The following WWTR1 variants were observed in gnomAD, a reference collection of about 807,000 sequenced individuals.
The protein encoded by WWTR1 is WW domain-containing transcription regulator protein 1.
WWTR1 carries 13 observed loss-of-function variants against 40.1 expected under a neutral mutation model. The ratio of observed to expected loss-of-function variants is 0.32; its 90% CI spans 0.21 to 0.52. WWTR1 has a LOEUF of 0.52. Among genes scored for constraint, WWTR1 ranks in the 20% least tolerant of loss-of-function variants. WWTR1 has a pLI of 0.97. For synonymous variants in WWTR1, 230 were observed against 210.1 expected (o/e 1.09, Z -0.82); for missense variants, 436 against 523.1 (o/e 0.83, Z 1.63).
chr3:149,557,869 G>T (rs534815800), intron 3 of WWTR1, among the ~76,000 whole-genome samples: 11 of 151,874 alleles, frequency 7.2e-5, no homozygotes, highest in African/African-American at 2.7e-4. Flanking sequence ...CAAGCGTGGC[G>T]GTGTGTGCCT....
At chr3:149,555,819 A>ACAG (rs1410111383) in intron 3 of WWTR1, among the ~76,000 whole-genome samples, 41 of 152,358 alleles carry the variant, frequency 2.7e-4, no homozygotes, top group African/African-American at 9.6e-4. Flanking sequence ...CCTGCCCTGT[A>ACAG]GGAGATTATC....
chr3:149,562,569 AG>A (rs1209330002), intron 3 of WWTR1, among the ~76,000 whole-genome samples: 1 of 147,694 alleles, frequency 6.8e-6, no homozygotes, highest in Non-Finnish European at 1.5e-5. Context: ...AAAAATGTTT[AG>A]AACCTTTTTT....
intron 2 of WWTR1, among the ~76,000 whole-genome samples, chr3:149,591,686 A>C (rs902043686): frequency 2.6e-5 from 4 of 152,220 alleles, no homozygotes; most frequent in Admixed American, 2.0e-4. Flanking sequence ...TACACAAAAA[A>C]CATTTTTGCA....
At chr3:149,613,551 T>G (rs1273501766) in intron 2 of WWTR1, among the ~76,000 whole-genome samples, 1 of 152,194 alleles carries the variant, frequency 6.6e-6, no homozygotes, top group Non-Finnish European at 1.5e-5. Flanking sequence ...TTGTTACTTT[T>G]TTATTTTTAT....
chr3:149,648,122 T>G (rs1712640000), intron 2 of WWTR1, among the ~76,000 whole-genome samples: 1 of 152,226 alleles, frequency 6.6e-6, no homozygotes, highest in Admixed American at 6.5e-5. Context: ...AGCACCTTTA[T>G]GAGACTTCTC....
upstream of WWTR1, among the ~76,000 whole-genome samples, chr3:149,707,694 G>A (rs1167413678): frequency 6.6e-6 from 1 of 152,106 alleles, no homozygotes; most frequent in Non-Finnish European, 1.5e-5. Context: ...CTAAGGAAAT[G>A]CTACACTAGA....
At chr3:149,604,872 C>T (rs1038506526) in intron 2 of WWTR1, among the ~76,000 whole-genome samples, 3 of 152,204 alleles carry the variant, frequency 2.0e-5, no homozygotes, top group South Asian at 2.1e-4. Flanking sequence ...TGAAGCCATA[C>T]GTTCTGCATT....
rs150332870 is a variant in WWTR1 at position 149,526,050 on chromosome 3, C to T, written c.981G>A (p.Pro327=). 572 of 1,607,918 alleles carry T rather than the reference C, an allele frequency of 3.6e-4. 2 individuals are homozygous for T. The highest frequency in any genetic ancestry group is 2.6e-4 in the Non-Finnish European group (305 of 1,176,782). The change falls in exon 6 of 7, where the codon CCG becomes CCA. Residue 327 remains proline (P), a synonymous_variant. Transcript: ENST00000360632. The part of the protein sequence containing the change: ...GLGCYSVPTT[P]EDFLSNVDEM... The stretch of plus-strand genomic sequence containing the variant: ...CATCCACATTGCTGAGGAAGTCCTC[C>T]GGAGTTGTGGGGACACTGTAGCACC...
intron 2 of WWTR1, among the ~76,000 whole-genome samples, chr3:149,589,362 A>G (rs1738589739): frequency 6.6e-6 from 1 of 152,120 alleles, no homozygotes. Context: ...TTCTGTTTTT[A>G]TCAAAGGAAG....
chr3:149,633,619 G>C (rs1711658598), intron 2 of WWTR1, among the ~76,000 whole-genome samples: 1 of 152,134 alleles, frequency 6.6e-6, no homozygotes, highest in Non-Finnish European at 1.5e-5. Flanking sequence ...CAGGCTTTTT[G>C]AAGCCAGGAA....
rs1445464547 is a variant in WWTR1 at position 149,568,549 on chromosome 3, A to ACC, written c.568+4314_568+4315insGG. On this transcript the variant is annotated intron_variant, in intron 3 of 6. Transcript: ENST00000360632. ...AAAAAAAAAAAAAAAAAAAAAAAAA[A>ACC]AAAAAAAAAAACCATATTTTTGCAA... Among the ~76,000 whole-genome samples the ACC allele has an allele frequency of 5.7e-3, 437 of 76,926 alleles. 26 individuals carry two copies. Among genetic ancestry groups the ACC allele is most frequent in the African/African-American group, 0.024 (410 of 16,936 alleles). The allele number at this position is 76,926 out of a possible 152,430, so 50.5% of individuals were successfully genotyped here.
Position 149,623,089 on chromosome 3 carries a change from C to T in WWTR1, c.431+33787G>A, listed in dbSNP as rs144707190. Among the ~76,000 whole-genome samples the T allele has an allele frequency of 8.5e-5, 13 of 152,220 alleles. No individual in the cohort carries two copies. In the East Asian group the frequency reaches 1.4e-3, roughly 16 times the overall value. On this transcript the variant is annotated intron_variant, in intron 2 of 6. Transcript: ENST00000360632. ...TTTGAGAATGTTTATCAGCTGGGCACGGTGGCTTATGCCTGTAATCCCAGC... is the reference window on the plus strand; with the variant it reads ...TTTGAGAATGTTTATCAGCTGGGCATGGTGGCTTATGCCTGTAATCCCAGC...
chr3:149,627,750 T>C (rs1392538344), intron 2 of WWTR1, among the ~76,000 whole-genome samples: 7 of 152,316 alleles, frequency 4.6e-5, no homozygotes, highest in African/African-American at 1.4e-4. Flanking sequence ...TAAAGAAAGT[T>C]GACGCTTTCT....
intron 2 of WWTR1, among the ~76,000 whole-genome samples, chr3:149,595,196 G>A (rs1738938291): frequency 6.6e-6 from 1 of 151,634 alleles, no homozygotes; most frequent in Non-Finnish European, 1.5e-5. Flanking sequence ...TCTTAACCTC[G>A]TGATCCACTC....
chr3:149,639,227 G>A (rs1272042365), intron 2 of WWTR1, among the ~76,000 whole-genome samples: 1 of 152,116 alleles, frequency 6.6e-6, no homozygotes, highest in Non-Finnish European at 1.5e-5. Flanking sequence ...TATATATACA[G>A]GGTCTCTTTC....
intron 1 of WWTR1, among the ~76,000 whole-genome samples, chr3:149,700,917 A>T (rs1033192364): frequency 1.3e-5 from 2 of 152,248 alleles, no homozygotes; most frequent in Non-Finnish European, 2.9e-5. Context: ...TAGCACCAAC[A>T]CCAGGACTGA....
At chr3:149,656,576 A>T (rs1713215510) in intron 2 of WWTR1, among the ~76,000 whole-genome samples, 1 of 152,110 alleles carries the variant, frequency 6.6e-6, no homozygotes, top group African/African-American at 2.4e-5. Flanking sequence ...GTCTGTGCCC[A>T]AGAGTTGGCT....
chr3:149,646,867 A>G (rs1404492857), intron 2 of WWTR1, among the ~76,000 whole-genome samples: 1 of 152,174 alleles, frequency 6.6e-6, no homozygotes, highest in Non-Finnish European at 1.5e-5. Context: ...TCCCTCCAAC[A>G]GTGTTTGAGC....
At chr3:149,601,162 G>C (rs1739225330) in intron 2 of WWTR1, among the ~76,000 whole-genome samples, 1 of 152,122 alleles carries the variant, frequency 6.6e-6, no homozygotes. Context: ...TCAATTTCAA[G>C]AGGTAGATGC....
Sources: allele counts gnomAD v4.1 joint callset (sites outside exome capture counted in the v4.1 genomes callset), GRCh38; gene constraint gnomAD v4.1.1; transcripts MANE v1.5; gene names NCBI Gene and HGNC (gene_info 2026-07-23, HGNC 2026-07-21).